Variants in PLEKHA5 observed in about 807,000 individuals in gnomAD.
The protein encoded by PLEKHA5 is pleckstrin homology domain containing A5, also known as pleckstrin homology domain-containing family A member 5.
A neutral mutation model predicts 181.9 loss-of-function variants in PLEKHA5; 55 were observed. The ratio of observed to expected loss-of-function variants is 0.30; its 90% CI spans 0.24 to 0.38. The LOEUF is 0.38. Among genes scored for constraint, PLEKHA5 ranks in the 10% least tolerant of loss-of-function variants. The pLI is 1.00. For synonymous variants in PLEKHA5, 535 were observed against 529.4 expected (o/e 1.01, Z -0.15); for missense variants, 1,432 against 1,549.5 (o/e 0.92, Z 1.27).
At chr12:19,269,679 C>T (rs1166863433) in intron 8 of PLEKHA5, 91 bp from the exon 9 acceptor site, 9 of 579,546 alleles carry the variant, frequency 1.6e-5, no homozygotes, top group South Asian at 5.6e-5. Flanking sequence ...TTGATAGCAA[C>T]GTTCTATGTC....
intron 3 of PLEKHA5, among the ~76,000 whole-genome samples, chr12:19,248,496 A>G (rs189648444): frequency 6.6e-6 from 1 of 152,146 alleles, no homozygotes; most frequent in Non-Finnish European, 1.5e-5. Flanking sequence ...ATATTTTTTA[A>G]TGTACCTTTT....
chr12:19,179,358 C>T (rs1259752215), intron 3 of PLEKHA5, among the ~76,000 whole-genome samples: 1 of 152,060 alleles, frequency 6.6e-6, no homozygotes, highest in Non-Finnish European at 1.5e-5. Context: ...AACAATTGAA[C>T]AAAAGAATGA....
chr12:19,200,254 T>C, intron 3 of PLEKHA5: 1 of 1,077,056 alleles, frequency 9.3e-7, no homozygotes, highest in Non-Finnish European at 1.4e-6. Context: ...CTTAAATATG[T>C]ATAGATATTA....
At chr12:19,204,698 A>G (rs1038872665) in intron 3 of PLEKHA5, among the ~76,000 whole-genome samples, 1 of 152,166 alleles carries the variant, frequency 6.6e-6, no homozygotes, top group Non-Finnish European at 1.5e-5. Flanking sequence ...ATTATTTAAT[A>G]TGTAAACAAC....
At chr12:19,189,451 A>G (rs1177920505) in intron 3 of PLEKHA5, among the ~76,000 whole-genome samples, 2 of 152,172 alleles carry the variant, frequency 1.3e-5, no homozygotes, top group African/African-American at 4.8e-5. Context: ...AATAAATTGC[A>G]GCCCTGTGAT....
chr12:19,326,833 C>T (rs1048279807), intron 20 of PLEKHA5, among the ~76,000 whole-genome samples: 1 of 152,154 alleles, frequency 6.6e-6, no homozygotes, highest in East Asian at 1.9e-4. Context: ...GTTTTCTTTT[C>T]CTGCATTAAT....
intron 3 of PLEKHA5, chr12:19,152,581 C>G (rs928322626): frequency 1.3e-5 from 2 of 151,990 alleles, no homozygotes; most frequent in African/African-American, 4.8e-5. Flanking sequence ...AACTTGGGGT[C>G]CAATGATATT....
intron 25 of PLEKHA5, 24 bp from the exon 26 acceptor site, chr12:19,353,860 A>T (rs2094750172): frequency 9.6e-7 from 1 of 1,037,134 alleles, no homozygotes; most frequent in African/African-American, 1.6e-5. Context: ...GTTTTGTAAA[A>T]CTTACTGCTG....
chr12:19,189,448 T>C (rs976093380), intron 3 of PLEKHA5, among the ~76,000 whole-genome samples: 1 of 152,096 alleles, frequency 6.6e-6, no homozygotes, highest in African/African-American at 2.4e-5. Flanking sequence ...AGGAATAAAT[T>C]GCAGCCCTGT....
intron 5 of PLEKHA5, among the ~76,000 whole-genome samples, 164 bp downstream of exon 5, chr12:19,255,329 A>G (rs1009903960): frequency 6.6e-6 from 1 of 152,158 alleles, no homozygotes; most frequent in Admixed American, 6.5e-5. Flanking sequence ...CAAAGTAATA[A>G]GATTGTAATT....
At chr12:19,324,233 AT>A (rs1230878518) in intron 20 of PLEKHA5, among the ~76,000 whole-genome samples, 8 of 152,162 alleles carry the variant, frequency 5.3e-5, no homozygotes, top group Admixed American at 4.6e-4. Context: ...AACGTGAGCC[AT>A]TTTTAAAGGA....
At chr12:19,186,221 T>C (rs1199271508) in intron 3 of PLEKHA5, among the ~76,000 whole-genome samples, 2 of 152,150 alleles carry the variant, frequency 1.3e-5, no homozygotes, top group African/African-American at 4.8e-5. Context: ...CAGTAGAAAA[T>C]GACGATATAT....
At chr12:19,359,360 T>C in intron 27 of PLEKHA5, 52 bp from the exon 28 acceptor site, 1 of 1,478,348 alleles carries the variant, frequency 6.8e-7, no homozygotes, top group Non-Finnish European at 9.2e-7. Context: ...ATTTATAAAA[T>C]ATACATGCAT....
At chr12:19,211,177 T>C (rs1056664069) in intron 3 of PLEKHA5, among the ~76,000 whole-genome samples, 1 of 152,180 alleles carries the variant, frequency 6.6e-6, no homozygotes, top group Non-Finnish European at 1.5e-5. Flanking sequence ...CCCTACACTT[T>C]GTTCTTTGGT....
intron 20 of PLEKHA5, among the ~76,000 whole-genome samples, chr12:19,329,483 G>T (rs976330812): frequency 6.6e-6 from 1 of 151,952 alleles, no homozygotes; most frequent in South Asian, 2.1e-4. Context: ...TTGTTTGGCA[G>T]GTTTTTTATT....
intron 3 of PLEKHA5, among the ~76,000 whole-genome samples, chr12:19,218,569 C>T (rs1172429217): frequency 1.3e-5 from 2 of 152,090 alleles, no homozygotes; most frequent in African/African-American, 4.8e-5. Context: ...TTTATAAATT[C>T]ATGATCTTTG....
At chr12:19,369,883 G>T in intron 31 of PLEKHA5, 85 bp downstream of exon 31, 1 of 754,694 alleles carries the variant, frequency 1.3e-6, no homozygotes, top group Admixed American at 2.5e-5. Context: ...TCAAAACTGG[G>T]ATTAGTTCTG....
chr12:19,152,444 TTCTTG>T (rs1355740439), intron 3 of PLEKHA5: 3 of 152,232 alleles, frequency 2.0e-5, no homozygotes, highest in Non-Finnish European at 4.4e-5. Flanking sequence ...AGCAATTACT[TTCTTG>T]TCTTTAGTCT....
chr12:19,218,287 A>G lies in PLEKHA5; in HGVS notation c.228-35653A>G, dbSNP rs79834800. Among the ~76,000 whole-genome samples the G allele has an allele frequency of 9.2e-3, 1,404 of 152,248 alleles. 10 individuals carry two copies. The highest frequency in any genetic ancestry group is 0.015 in the Non-Finnish European group (1,016 of 68,000). On this transcript the variant is annotated intron_variant, in intron 3 of 31. Transcript: ENST00000429027. ...ATAACAGGTTACCAGTAATGTTTGC[A>G]CAAAATGTTTTCTCCTCCAGTGTTA...
Sources: allele counts gnomAD v4.1 joint callset (sites outside exome capture counted in the v4.1 genomes callset), GRCh38; gene constraint gnomAD v4.1.1; transcripts MANE v1.5; gene names NCBI Gene and HGNC (gene_info 2026-07-23, HGNC 2026-07-21).